The following DSCAM variants were observed in gnomAD, a reference collection of about 807,000 sequenced individuals.
The protein encoded by DSCAM is DS cell adhesion molecule.
A neutral mutation model predicts 217.7 loss-of-function variants in DSCAM; 47 were observed. The observed-to-expected ratio is 0.22, with a 90% CI of 0.17 to 0.28. The LOEUF (loss-of-function observed/expected upper bound fraction) is 0.28. Among genes scored for constraint, DSCAM ranks in the 10% least tolerant of loss-of-function variants. DSCAM has a pLI of 1.00. For missense variants in DSCAM, 2,080 were observed against 2,618.3 expected, an observed-to-expected ratio of 0.79 and a Z score of 4.49; for synonymous variants, 1,056 against 1,015.3, an observed-to-expected ratio of 1.04 and a Z score of -0.76.
At chr21:40,363,724 C>T (rs1195999673) in intron 4 of DSCAM, among the ~76,000 whole-genome samples, 10 of 152,088 alleles carry the variant, frequency 6.6e-5, no homozygotes, top group African/African-American at 2.4e-4. Context: ...AAAGAAACTA[C>T]CATCAGAGTG....
chr21:40,518,692 G>GTATA (rs373669279), intron 3 of DSCAM, among the ~76,000 whole-genome samples: 6,868 of 135,778 alleles, frequency 0.051, 310 homozygotes, highest in African/African-American at 0.1. Context: ...GTATATATAT[G>GTATA]TATATATATA....
At chr21:40,120,332 T>G (rs1427703464) in intron 20 of DSCAM, among the ~76,000 whole-genome samples, 2 of 152,212 alleles carry the variant, frequency 1.3e-5, no homozygotes, top group Non-Finnish European at 2.9e-5. Flanking sequence ...AATTTTACAT[T>G]TCTAAGCTCC....
At chr21:40,721,900 A>C (rs1465780065) in intron 1 of DSCAM, among the ~76,000 whole-genome samples, 1 of 152,164 alleles carries the variant, frequency 6.6e-6, no homozygotes, top group Non-Finnish European at 1.5e-5. Context: ...TAAAGAAAAA[A>C]ACTTAAAGGC....
intron 20 of DSCAM, 67 bp from the exon 21 acceptor site, chr21:40,093,941 G>T: frequency 6.5e-7 from 1 of 1,526,930 alleles, no homozygotes; most frequent in Non-Finnish European, 9.0e-7. Context: ...TTTCCCGAAG[G>T]AATGGTCATG....
intron 3 of DSCAM, among the ~76,000 whole-genome samples, chr21:40,395,423 CTG>C (rs1279638065): frequency 2.0e-5 from 3 of 151,372 alleles, no homozygotes; most frequent in East Asian, 1.9e-4. Context: ...TACCTGGAGA[CTG>C]TAACATTTTC....
At chr21:40,338,979 T>A in intron 7 of DSCAM, 140 bp downstream of exon 7, 1 of 1,069,366 alleles carries the variant, frequency 9.4e-7, no homozygotes, top group South Asian at 1.6e-5. Flanking sequence ...CATTCCTGAG[T>A]AGGAAGGAGA....
intron 1 of DSCAM, among the ~76,000 whole-genome samples, chr21:40,750,320 C>T (rs1008109085): frequency 6.6e-6 from 1 of 152,174 alleles, no homozygotes; most frequent in African/African-American, 2.4e-5. Context: ...CTTGCAGTCA[C>T]CAGTGGCCTG....
chr21:40,354,483 T>C (rs1473991693), intron 4 of DSCAM, among the ~76,000 whole-genome samples: 1 of 152,102 alleles, frequency 6.6e-6, no homozygotes, highest in Non-Finnish European at 1.5e-5. Flanking sequence ...TCCTCCTGCC[T>C]GGGCCTCCCA....
intron 3 of DSCAM, among the ~76,000 whole-genome samples, chr21:40,407,656 A>G (rs1266278040): frequency 6.6e-6 from 1 of 152,196 alleles, no homozygotes; most frequent in Non-Finnish European, 1.5e-5. Flanking sequence ...GTGGAAGAGT[A>G]GCGAGGCTCC....
chr21:40,694,385 C>T (rs567857214), intron 2 of DSCAM, among the ~76,000 whole-genome samples: 1 of 152,238 alleles, frequency 6.6e-6, no homozygotes, highest in African/African-American at 2.4e-5. Context: ...AAGGTACTAA[C>T]ACACCAACAA....
chr21:40,202,742 C>T (rs2091083800), intron 11 of DSCAM, among the ~76,000 whole-genome samples: 1 of 152,250 alleles, frequency 6.6e-6, no homozygotes, highest in African/African-American at 2.4e-5. Flanking sequence ...TGAAACCACT[C>T]TGACCATGTG....
In DSCAM at chr21:40,307,343, CA is replaced by C. The variant is rs200577445; in HGVS notation, c.2062+4737del. On this transcript the variant is annotated intron_variant, in intron 9 of 32. Coordinates refer to ENST00000400454, the MANE Select transcript of DSCAM (RefSeq NM_001389.5). ...AAACACATGAAAAAATGCTCACCGT[CA>C]CTGGCCATCAGAGAAATGCAAATCA... 1.7e-4 allele frequency among the ~76,000 whole-genome samples: 26 copies of C among 152,312 alleles called. No homozygotes were observed. In the East Asian group the frequency reaches 5.0e-3, roughly 29 times the overall value.
chr21:40,739,201 AC>A (rs2091096735), intron 1 of DSCAM, among the ~76,000 whole-genome samples: 1 of 152,218 alleles, frequency 6.6e-6, no homozygotes, highest in South Asian at 2.1e-4. Context: ...CCAAACCTAG[AC>A]AGGCGACAAG....
At chr21:40,339,456 ATAAT>A in intron 6 of DSCAM, 41 bp from the exon 7 acceptor site, 1 of 1,516,428 alleles carries the variant, frequency 6.6e-7, no homozygotes, top group Non-Finnish European at 8.9e-7. Flanking sequence ...GCACATACAA[ATAAT>A]TAAACAACTT....
rs566055457 is a variant in DSCAM at position 40,161,347 on chromosome 21, C to T, written c.3018+5871G>A. ...ACCATGGCTTCATTAAAGAAACATG[C>T]ATAGTTTACATATACACCAAAAAGA... is the stretch of plus-strand genomic sequence containing the variant. On this transcript the variant is annotated intron_variant, in intron 16 of 32. Coordinates refer to ENST00000400454, the MANE Select transcript of DSCAM (RefSeq NM_001389.5). 3.1e-4 allele frequency among the ~76,000 whole-genome samples: 47 copies of T among 152,078 alleles called. 1 individual carries two copies. Among genetic ancestry groups the T allele is most frequent in the African/African-American group, 1.1e-3 (45 of 41,464 alleles).
At chr21:40,240,889 C>G (rs1238625942) in intron 11 of DSCAM, among the ~76,000 whole-genome samples, 1 of 152,152 alleles carries the variant, frequency 6.6e-6, no homozygotes. Flanking sequence ...ATCTTACCCA[C>G]AGAAAATGAC....
At chr21:40,527,566 C>T (rs902209839) in intron 3 of DSCAM, among the ~76,000 whole-genome samples, 1 of 152,220 alleles carries the variant, frequency 6.6e-6, no homozygotes, top group Non-Finnish European at 1.5e-5. Context: ...GGCAGCTGCT[C>T]ATAAACTCAT....
chr21:40,566,926 T>C (rs1359764638), intron 3 of DSCAM, among the ~76,000 whole-genome samples: 1 of 151,950 alleles, frequency 6.6e-6, no homozygotes, highest in Non-Finnish European at 1.5e-5. Context: ...TGGACACAGG[T>C]TGAAGATGAC....
At chr21:40,620,108 AAAG>A (rs2089468901) in intron 3 of DSCAM, among the ~76,000 whole-genome samples, 1 of 119,354 alleles carries the variant, frequency 8.4e-6, no homozygotes, top group African/African-American at 3.7e-5. Flanking sequence ...GAGAGAGAAA[AAAG>A]AAAAAGAAAG....
Sources: allele counts gnomAD v4.1 joint callset (sites outside exome capture counted in the v4.1 genomes callset), GRCh38; gene constraint gnomAD v4.1.1; transcripts MANE v1.5; gene names NCBI Gene and HGNC (gene_info 2026-07-23, HGNC 2026-07-21).